The following TTBK2 variants were observed in gnomAD, a reference collection of about 807,000 sequenced individuals.
TTBK2 encodes the protein tau tubulin kinase 2, also known as tau-tubulin kinase 2.
TTBK2 carries 28 observed loss-of-function variants against 110.8 expected under a neutral mutation model. The ratio of observed to expected loss-of-function variants is 0.25; its 90% confidence interval spans 0.19 to 0.35. The LOEUF (loss-of-function observed/expected upper bound fraction) is 0.35, where lower values mean the gene tolerates loss of function less well. Ranked by LOEUF, TTBK2 falls within the 10% of genes least tolerant of loss-of-function variation. The probability of loss-of-function intolerance (pLI) is 1.00; values close to 1 mark genes in which losing one functional copy is unlikely to be tolerated. For missense variants in TTBK2, 1,369 were observed against 1,500.3 expected (o/e 0.91, Z 1.45); for synonymous variants, 532 against 527.3 (o/e 1.01, Z -0.12).
rs373433433 is a variant in TTBK2, at chr15:42,752,273, G to A, written c.2973C>T (p.Phe991=). 1.3e-5 allele frequency: 21 copies of A among 1,614,094 alleles called. No individual in the cohort carries two copies. The highest frequency in any genetic ancestry group is 1.7e-5 in the Non-Finnish European group (20 of 1,180,046). Residue 991 remains phenylalanine, a synonymous_variant, in exon 14 of 15, where the codon TTC becomes TTT. Coordinates refer to ENST00000267890, the MANE Select transcript of TTBK2 (RefSeq NM_173500.4). Reference sequence around the variant, plus strand: ...CAGAGGCACTTGAGAGGTCGCCAAGGAAGGACTTGAATTGTCTTTTTTCCA... The same window carrying A: ...CAGAGGCACTTGAGAGGTCGCCAAGAAAGGACTTGAATTGTCTTTTTTCCA... The part of the protein sequence containing the change: ...LLVEKRQFKS[F]LGDLSSASDK...
chr15:42,920,870 T>C, upstream of TTBK2: 1 of 153,018 alleles, frequency 6.5e-6, no homozygotes, highest in Non-Finnish European at 1.5e-5. Context: ...CGCCCACCTC[T>C]CCGCTACAGG....
intron 10 of TTBK2, among the ~76,000 whole-genome samples, chr15:42,785,436 A>C (rs1177685459): frequency 3.3e-5 from 5 of 152,070 alleles, no homozygotes. Context: ...CAGACTTTTT[A>C]CTAAGCACCT....
intron 1 of TTBK2, among the ~76,000 whole-genome samples, chr15:42,908,850 T>TA (rs756234764): frequency 6.6e-6 from 1 of 152,154 alleles, no homozygotes; most frequent in Non-Finnish European, 1.5e-5. Context: ...CCATAAATGG[T>TA]AAAAACTACA....
At chr15:42,783,738 GA>G (rs1890278643) in intron 10 of TTBK2, 103 bp from the exon 11 acceptor site, 1 of 784,074 alleles carries the variant, frequency 1.3e-6, no homozygotes, top group Non-Finnish European at 2.0e-6. Context: ...ACATAATTAA[GA>G]GAGTTAAAAA....
intron 1 of TTBK2, 50 bp from the exon 2 acceptor site, chr15:42,878,734 C>A: frequency 1.3e-6 from 2 of 1,578,976 alleles, no homozygotes; most frequent in South Asian, 1.1e-5. Context: ...GTTAACTAAT[C>A]AACACAAATA....
At chr15:42,871,380 T>C in intron 3 of TTBK2, 2 of 923,962 alleles carry the variant, frequency 2.2e-6, no homozygotes, top group Non-Finnish European at 2.6e-6. Context: ...GAATCCTGAG[T>C]AAACCATACA....
intron 13 of TTBK2, among the ~76,000 whole-genome samples, chr15:42,770,777 C>G (rs953771189): frequency 5.3e-5 from 8 of 152,108 alleles, no homozygotes; most frequent in Non-Finnish European, 1.0e-4. Flanking sequence ...AGATGGTAAC[C>G]AACCCAAAGA....
chr15:42,800,287 C>T (rs1678762691), intron 9 of TTBK2: 1 of 438,774 alleles, frequency 2.3e-6, no homozygotes, highest in East Asian at 7.1e-5. Context: ...TACCTATATG[C>T]AGCCTACATA....
chr15:42,770,293 A>G (rs570877444), intron 13 of TTBK2, among the ~76,000 whole-genome samples: 19 of 152,268 alleles, frequency 1.2e-4, no homozygotes, highest in African/African-American at 4.3e-4. Flanking sequence ...TCCAACTTCT[A>G]CAACACAAAA....
At chr15:42,804,410 C>G (rs570237597) in intron 9 of TTBK2, among the ~76,000 whole-genome samples, 7 of 150,470 alleles carry the variant, frequency 4.7e-5, no homozygotes, top group African/African-American at 1.7e-4. Context: ...CATTGCACTC[C>G]AGCCTGGGTG....
At chr15:42,917,003 T>C (rs569667381) in intron 1 of TTBK2, among the ~76,000 whole-genome samples, 1 of 152,176 alleles carries the variant, frequency 6.6e-6, no homozygotes, top group Non-Finnish European at 1.5e-5. Flanking sequence ...AAAATAATGA[T>C]TCTGAAAACA....
chr15:42,789,279 T>TA (rs1201604292), intron 10 of TTBK2, among the ~76,000 whole-genome samples: 46 of 137,902 alleles, frequency 3.3e-4, no homozygotes, highest in Admixed American at 2.9e-3. Flanking sequence ...TTGAGTGCTT[T>TA]AAAATATATA....
chr15:42,858,354 C>T (rs1318624455), intron 3 of TTBK2, among the ~76,000 whole-genome samples: 4 of 151,932 alleles, frequency 2.6e-5, no homozygotes, highest in East Asian at 1.9e-4. Flanking sequence ...AATTATATGA[C>T]GTCTATAATT....
intron 6 of TTBK2, among the ~76,000 whole-genome samples, chr15:42,825,632 T>C (rs754862472): frequency 1.3e-5 from 2 of 152,154 alleles, no homozygotes; most frequent in Non-Finnish European, 2.9e-5. Flanking sequence ...AGAGAATCAC[T>C]TGAACCTAGG....
chr15:42,824,121 C>T (rs964925144), intron 6 of TTBK2, among the ~76,000 whole-genome samples: 18 of 152,154 alleles, frequency 1.2e-4, no homozygotes, highest in African/African-American at 4.1e-4. Flanking sequence ...ACGACCCCTC[C>T]GCTCCCAAGG....
Position 42,900,137 on chromosome 15 carries a change from C to T in TTBK2, c.-68+20301G>A, listed in dbSNP as rs370691850. 2.8e-4 allele frequency among the ~76,000 whole-genome samples: 42 copies of T among 151,434 alleles called. No homozygotes were observed. In the East Asian group the frequency reaches 7.3e-3, roughly 26 times the overall value. On this transcript the variant is annotated intron_variant, in intron 1 of 14. Transcript: ENST00000267890. Reference sequence around the variant, plus strand: ...CCTCCTGAGTAGCTGGGATTACAGGCACCCACCACCACGCCCGGCCAATTT... The same window carrying T: ...CCTCCTGAGTAGCTGGGATTACAGGTACCCACCACCACGCCCGGCCAATTT...
chr15:42,765,201 C>T (rs936414673), intron 13 of TTBK2, among the ~76,000 whole-genome samples: 1 of 152,180 alleles, frequency 6.6e-6, no homozygotes, highest in Non-Finnish European at 1.5e-5. Flanking sequence ...AACCAGAGCA[C>T]CTCTTCCCCT....
chr15:42,772,646 A>G (rs1308989622), intron 13 of TTBK2, among the ~76,000 whole-genome samples: 1 of 152,192 alleles, frequency 6.6e-6, no homozygotes, highest in Non-Finnish European at 1.5e-5. Flanking sequence ...TCTAAAGGTA[A>G]TATTAAAATG....
At chr15:42,757,816 C>T (rs558042590) in intron 13 of TTBK2, among the ~76,000 whole-genome samples, 121 of 152,300 alleles carry the variant, frequency 7.9e-4, no homozygotes, top group African/African-American at 2.7e-3. Flanking sequence ...CATTTCCTTT[C>T]TTCTGTTCTG....
Sources: gnomAD v4.1 joint callset for allele counts (sites outside exome capture counted in the v4.1 genomes callset) on GRCh38, gnomAD v4.1.1 for gene constraint, MANE v1.5 for transcripts, NCBI Gene and HGNC (gene_info 2026-07-23, HGNC 2026-07-21) for gene names.